The following CYP3A5 variants were observed in gnomAD, a reference collection of about 807,000 sequenced individuals.
CYP3A5 encodes cytochrome P450 3A5.
In CYP3A5, 51 loss-of-function variants were observed where a neutral mutation model predicts 55.9. The ratio of observed to expected loss-of-function variants is 0.91; its 90% confidence interval spans 0.73 to 1.15. The LOEUF (loss-of-function observed/expected upper bound fraction) is 1.15, where lower values mean the gene tolerates loss of function less well. Ranked by LOEUF, CYP3A5 falls within the 50% of genes most tolerant of loss-of-function variation. The pLI, the probability that CYP3A5 is intolerant of heterozygous loss-of-function variation, is 0.00. For missense variants in CYP3A5, 533 were observed against 596.6 expected (o/e 0.89, Z 1.11); for synonymous variants, 196 against 213.9 (o/e 0.92, Z 0.73).
chr7:99,654,231 C>T (rs1465245225), intron 10 of CYP3A5, among the ~76,000 whole-genome samples: 1 of 152,122 alleles, frequency 6.6e-6, no homozygotes, highest in Non-Finnish European at 1.5e-5. Context: ...TCCCTCCCCA[C>T]TCCTCCCACC....
At position 99,662,727 on chromosome 7, in the gene CYP3A5, C is replaced by T; in HGVS notation, c.865+89G>A. The T allele has an allele frequency of 1.5e-6, 2 of 1,308,116 alleles. No homozygotes were observed. The highest frequency in any genetic ancestry group is 1.9e-4 in the Middle Eastern group (1 of 5,316). 81.0% of individuals were successfully genotyped at this position (1,308,116 alleles called of 1,614,324 possible). ...TCTGCTATGTGGCAAAAATTCTCATCTTCCTGGAATACTTCCTGCACATTT... is the reference window on the plus strand; with the variant it reads ...TCTGCTATGTGGCAAAAATTCTCATTTTCCTGGAATACTTCCTGCACATTT... On this transcript the variant is annotated intron_variant, in intron 9 of 12. Coordinates refer to ENST00000222982, the MANE Select transcript of CYP3A5 (RefSeq NM_000777.5). This position sits in a 1 kb window ranked among gnomAD's most constrained non-coding sequence, Gnocchi z 4.3.
intron 1 of CYP3A5, 30 bp downstream of exon 1, chr7:99,679,796 A>T (rs1812660956): frequency 1.2e-6 from 2 of 1,611,542 alleles, no homozygotes; most frequent in Middle Eastern, 3.3e-4. Flanking sequence ...GTCCAAGGAA[A>T]CAAAGAGAGG....
Position 99,652,412 on chromosome 7 carries a change from A to T in CYP3A5, c.1253+141T>A, listed in dbSNP as rs573405663. The stretch of plus-strand genomic sequence containing the variant: ...TCTAGTCTGTGGTTTGTAAAGTTTG[A>T]TAATTATCACTTTTTTGTGATAAAA... On this transcript the variant is annotated intron_variant, in intron 11 of 12. Coordinates refer to ENST00000222982, the MANE Select transcript of CYP3A5 (RefSeq NM_000777.5). 36 of 598,444 alleles carry T rather than the reference A, an allele frequency of 6.0e-5. 1 individual carries two copies. In the South Asian group the frequency reaches 9.6e-4, roughly 16 times the overall value. 37.1% of individuals were successfully genotyped at this position (598,444 alleles called of 1,614,324 possible).
chr7:99,671,977 T>C (rs1811691311), intron 4 of CYP3A5: 3 of 640,368 alleles, frequency 4.7e-6, no homozygotes, highest in Non-Finnish European at 8.4e-6. Flanking sequence ...CTGTAAACTA[T>C]ATCAAAGTCA....
intron 5 of CYP3A5, 95 bp downstream of exon 5, chr7:99,666,857 G>A (rs978232606): frequency 6.3e-7 from 1 of 1,587,350 alleles, no homozygotes; most frequent in African/African-American, 1.3e-5. Flanking sequence ...CGAACTCAGT[G>A]GACTACCCCT....
intron 3 of CYP3A5, chr7:99,673,019 CATA>C (rs1811834924): frequency 2.7e-6 from 1 of 365,208 alleles, no homozygotes; most frequent in African/African-American, 2.2e-5. Flanking sequence ...TGCCACTCTC[CATA>C]ATGTTTTATA....
At chr7:99,676,287 G>C (rs1395609476) in intron 1 of CYP3A5, 79 bp from the exon 2 acceptor site, 1 of 1,601,082 alleles carries the variant, frequency 6.2e-7, no homozygotes, top group East Asian at 2.3e-5. Context: ...TCAGGAACTG[G>C]AATGGTCAAG....
chr7:99,673,903 C>G (rs867347999), intron 3 of CYP3A5, among the ~76,000 whole-genome samples: 1 of 152,346 alleles, frequency 6.6e-6, no homozygotes. Flanking sequence ...TGCTCCTAGC[C>G]TAGTTCAGAC....
intron 10 of CYP3A5, among the ~76,000 whole-genome samples, chr7:99,656,689 C>T (rs984048664): frequency 5.3e-5 from 8 of 152,110 alleles, no homozygotes; most frequent in Admixed American, 1.3e-4. Context: ...TGGTAGAATT[C>T]GGCGGTGAAT....
intron 2 of CYP3A5, among the ~76,000 whole-genome samples, chr7:99,675,592 A>T (rs769425148): frequency 8.5e-5 from 10 of 117,196 alleles, no homozygotes; most frequent in South Asian, 3.2e-4. Context: ...GAGCCTACAC[A>T]CCTTTTCCTC....
intron 2 of CYP3A5, among the ~76,000 whole-genome samples, chr7:99,675,854 A>G (rs1215521061): frequency 6.7e-6 from 1 of 149,188 alleles, no homozygotes; most frequent in Non-Finnish European, 1.5e-5. Context: ...CTACCATATC[A>G]TGCACAGGTA....
chr7:99,660,896 T>A (rs1182060322), intron 9 of CYP3A5, among the ~76,000 whole-genome samples: 3 of 152,194 alleles, frequency 2.0e-5, no homozygotes, highest in Non-Finnish European at 4.4e-5. Flanking sequence ...ACACTCCTCA[T>A]CATGGCATCC....
At chr7:99,663,011 T>C in intron 8 of CYP3A5, 129 bp from the exon 9 acceptor site, 24 of 1,458,940 alleles carry the variant, frequency 1.6e-5, no homozygotes, top group Non-Finnish European at 2.2e-5. Flanking sequence ...CTTGAAGACG[T>C]GTTACCTGAG....
chr7:99,649,538 C>T (rs1326385358), intron 12 of CYP3A5, among the ~76,000 whole-genome samples: 2 of 152,180 alleles, frequency 1.3e-5, no homozygotes, highest in Admixed American at 6.5e-5. Flanking sequence ...TCATTCTCCA[C>T]CTTGGCTTCA....
At chr7:99,658,515 T>C (rs2151387606) in intron 10 of CYP3A5, among the ~76,000 whole-genome samples, 1 of 152,234 alleles carries the variant, frequency 6.6e-6, no homozygotes. Context: ...GCCCTTAACA[T>C]TTTTTCCTTC....
rs1809432708 is a variant in CYP3A5 at position 99,653,894 on chromosome 7, T to G, written c.1027-1115A>C. Among the ~76,000 whole-genome samples the G allele has an allele frequency of 6.6e-6, 1 of 152,166 alleles. No homozygotes were observed. Among genetic ancestry groups the G allele is most frequent in the Admixed American group, 6.5e-5 (1 of 15,284 alleles). ...TACCCTGGTTCCTAGCTTGGCTTCT[T>G]GGCCAGTGGCTACCTGACTGGAACA... On this transcript the variant is annotated intron_variant, in intron 10 of 12. Coordinates refer to ENST00000222982, the MANE Select transcript of CYP3A5 (RefSeq NM_000777.5). This position sits in a 1 kb window ranked among gnomAD's most constrained non-coding sequence, Gnocchi z 4.2.
Position 99,667,018 on chromosome 7 carries a change from C to T in CYP3A5, c.366G>A (p.Glu122=). The T allele has an allele frequency of 6.2e-7, 1 of 1,614,138 alleles. No individual in the cohort carries two copies. Among genetic ancestry groups the T allele is most frequent in the East Asian group, 2.2e-5 (1 of 44,884 alleles). ...GFMKSAISLA[E]DEEWKRIRSL... Reference sequence around the variant, plus strand: ...ACCGTATTCTCTTCCATTCTTCATCCTCAGCTAAAGAGATGGCACTTTTCA... The same window carrying T: ...ACCGTATTCTCTTCCATTCTTCATCTTCAGCTAAAGAGATGGCACTTTTCA... Residue 122 remains glutamate (E), a synonymous_variant, in exon 5 of 13, where the codon GAG becomes GAA. Coordinates refer to ENST00000222982, the MANE Select transcript of CYP3A5 (RefSeq NM_000777.5).
At position 99,662,901 on chromosome 7, in the gene CYP3A5, A is replaced by T. The variant is rs1384977678; in HGVS notation, c.799-19T>A. The T allele has an allele frequency of 3.1e-6, 5 of 1,613,242 alleles. No individual in the cohort carries two copies. In the East Asian group the frequency reaches 8.9e-5, roughly 29 times the overall value. The stretch of plus-strand genomic sequence containing the variant: ...GTCGGTGCTAGAAGCAAAAGGAGAG[A>T]TTTCTTTGGCAGAAAGTGACTCGTG... On this transcript the variant is annotated intron_variant, in intron 8 of 12. Transcript: ENST00000222982. This position sits in a 1 kb window ranked among gnomAD's most constrained non-coding sequence, Gnocchi z 4.3.
At chr7:99,671,519 C>T (rs888156800) in intron 4 of CYP3A5, 1 of 307,434 alleles carries the variant, frequency 3.3e-6, no homozygotes, top group Non-Finnish European at 6.0e-6. Context: ...GGTGTTGGAA[C>T]ATTTGGACAG....
Sources: allele counts gnomAD v4.1 joint callset (sites outside exome capture counted in the v4.1 genomes callset), GRCh38; gene constraint gnomAD v4.1.1; non-coding constraint Gnocchi (gnomAD v3.1); transcripts MANE v1.5; gene names NCBI Gene and HGNC (gene_info 2026-07-23, HGNC 2026-07-21).